The following RANBP17 variants were observed in gnomAD, a reference collection of about 807,000 sequenced individuals.
RANBP17 encodes the protein ran-binding protein 17.
Under a neutral mutation model 141.2 loss-of-function variants are expected in RANBP17, and 158 were observed. The observed-to-expected ratio is 1.12, with a 90% CI of 0.98 to 1.28. The LOEUF (loss-of-function observed/expected upper bound fraction) is 1.28. Ranked by LOEUF, RANBP17 falls within the 50% of genes most tolerant of loss-of-function variation. The probability of loss-of-function intolerance (pLI) is 0.00; values close to 1 mark genes in which losing one functional copy is unlikely to be tolerated. For synonymous variants in RANBP17, 430 were observed against 450.0 expected (o/e 0.96, Z 0.56); for missense variants, 1,438 against 1,290.7 (o/e 1.11, Z -1.75).
intron 3 of RANBP17, among the ~76,000 whole-genome samples, chr5:170,882,498 T>C (rs1486268731): frequency 6.6e-6 from 1 of 152,172 alleles, no homozygotes; most frequent in Admixed American, 6.5e-5. Context: ...ATTTCACAAA[T>C]GAGGAAGTTA....
intron 14 of RANBP17, among the ~76,000 whole-genome samples, chr5:170,991,642 C>T (rs961742923): frequency 2.0e-5 from 3 of 151,928 alleles, no homozygotes; most frequent in Admixed American, 2.0e-4. Flanking sequence ...CTCACTACCC[C>T]TGGGAAATCT....
chr5:170,989,506 A>G (rs1256165758), intron 14 of RANBP17, among the ~76,000 whole-genome samples: 7 of 151,814 alleles, frequency 4.6e-5, no homozygotes, highest in African/African-American at 1.7e-4. Context: ...TTAATCATTT[A>G]TTTCATGATT....
chr5:171,252,287 A>G, intron 24 of RANBP17: 2 of 1,549,484 alleles, frequency 1.3e-6, no homozygotes, highest in South Asian at 2.3e-5. Context: ...GGTAATATTA[A>G]TAATGAAAAT....
chr5:170,958,450 C>T (rs1373529956), intron 13 of RANBP17, among the ~76,000 whole-genome samples: 1 of 152,068 alleles, frequency 6.6e-6, no homozygotes, highest in Non-Finnish European at 1.5e-5. Context: ...GGTGTGCAAG[C>T]AGGGCCAAGC....
chr5:170,996,475 CT>C (rs1778823236), intron 14 of RANBP17, among the ~76,000 whole-genome samples: 1 of 152,076 alleles, frequency 6.6e-6, no homozygotes, highest in East Asian at 1.9e-4. Context: ...TGTAAAATAG[CT>C]TTTCAGCCAC....
intron 12 of RANBP17, among the ~76,000 whole-genome samples, chr5:170,940,900 T>C (rs1233529209): frequency 1.4e-5 from 2 of 144,312 alleles, no homozygotes; most frequent in Admixed American, 6.9e-5. Flanking sequence ...TAGAGACCAC[T>C]TTTTTTTTTT....
At chr5:170,928,968 T>C (rs940353966) in intron 12 of RANBP17, among the ~76,000 whole-genome samples, 4 of 152,080 alleles carry the variant, frequency 2.6e-5, no homozygotes, top group Non-Finnish European at 5.9e-5. Flanking sequence ...TGCAATATTT[T>C]ATTGTTTTCA....
intron 14 of RANBP17, among the ~76,000 whole-genome samples, chr5:171,105,165 G>A (rs916772177): frequency 1.3e-5 from 2 of 150,040 alleles, no homozygotes; most frequent in Non-Finnish European, 3.0e-5. Flanking sequence ...GGCAGATCAC[G>A]AGGTCAGGAG....
intron 20 of RANBP17, among the ~76,000 whole-genome samples, chr5:171,210,682 A>G (rs913700858): frequency 6.6e-6 from 1 of 152,194 alleles, no homozygotes; most frequent in Admixed American, 6.5e-5. Flanking sequence ...TGGTCACCCT[A>G]ATTTGAGCAT....
At position 170,996,603 on chromosome 5, in the gene RANBP17, T is replaced by C. The variant is rs1778831601; in HGVS notation, c.1710+28226T>C. Among the ~76,000 whole-genome samples, 7 of 152,332 alleles carry C rather than the reference T, an allele frequency of 4.6e-5. 1 individual carries two copies. The Middle Eastern group carries it at 0.017, about 370-fold the overall frequency. On this transcript the variant is annotated intron_variant, in intron 14 of 27. Transcript: ENST00000523189. The stretch of plus-strand genomic sequence containing the variant: ...AGACAGCATTCAGACCTAGGATGGT[T>C]GTACTCAAAAGCACTTGCCGTAGGT...
intron 14 of RANBP17, among the ~76,000 whole-genome samples, chr5:171,054,734 C>G (rs917009132): frequency 1.3e-5 from 2 of 152,092 alleles, no homozygotes; most frequent in African/African-American, 2.4e-5. Context: ...TTTACCCAGC[C>G]CCTATTCAAG....
intron 14 of RANBP17, among the ~76,000 whole-genome samples, chr5:171,132,967 C>T (rs536761299): frequency 1.1e-4 from 16 of 152,140 alleles, no homozygotes; most frequent in African/African-American, 3.9e-4. Flanking sequence ...CTCACTGCAA[C>T]CTCCGCCTTC....
At chr5:171,262,610 C>T (rs1008214789) in intron 24 of RANBP17, among the ~76,000 whole-genome samples, 1 of 152,120 alleles carries the variant, frequency 6.6e-6, no homozygotes, top group African/African-American at 2.4e-5. Context: ...TTAGGGTATC[C>T]ATCACTGCAA....
intron 14 of RANBP17, among the ~76,000 whole-genome samples, chr5:171,005,297 G>A (rs1779517670): frequency 6.6e-6 from 1 of 152,094 alleles, no homozygotes. Context: ...TCAATCCTAA[G>A]CCAAAAGAAC....
At chr5:171,082,786 G>A (rs779789108) in intron 14 of RANBP17, among the ~76,000 whole-genome samples, 8 of 151,792 alleles carry the variant, frequency 5.3e-5, no homozygotes, top group Admixed American at 3.3e-4. Flanking sequence ...GACAATTTAG[G>A]TATCTTATTT....
chr5:171,259,719 G>A (rs755519293), intron 24 of RANBP17, among the ~76,000 whole-genome samples: 46 of 152,118 alleles, frequency 3.0e-4, no homozygotes, highest in Non-Finnish European at 6.0e-4. Flanking sequence ...GGTGGCTCAC[G>A]CCCGTAATCC....
chr5:171,218,084 G>A (rs559113061), intron 21 of RANBP17, among the ~76,000 whole-genome samples: 8 of 152,228 alleles, frequency 5.3e-5, no homozygotes, highest in Non-Finnish European at 7.4e-5. Flanking sequence ...ATTCTAGTAC[G>A]TTGTCTCTTT....
At chr5:171,114,390 C>A (rs1305804199) in intron 14 of RANBP17, among the ~76,000 whole-genome samples, 1 of 152,012 alleles carries the variant, frequency 6.6e-6, no homozygotes. Flanking sequence ...TTCTTTGACC[C>A]TGTTTACCTG....
intron 14 of RANBP17, among the ~76,000 whole-genome samples, chr5:171,122,999 T>G (rs1756154152): frequency 6.6e-6 from 1 of 152,106 alleles, no homozygotes; most frequent in Non-Finnish European, 1.5e-5. Flanking sequence ...CTGCACCATA[T>G]GAAACAGGCA....
Sources: gnomAD v4.1 joint callset for allele counts (sites outside exome capture counted in the v4.1 genomes callset) on GRCh38, gnomAD v4.1.1 for gene constraint, MANE v1.5 for transcripts, NCBI Gene and HGNC (gene_info 2026-07-23, HGNC 2026-07-21) for gene names.